The following ATP2B4 variants were observed in gnomAD, a reference collection of about 807,000 sequenced individuals.
ATP2B4 encodes ATPase plasma membrane Ca2+ transporting 4, also known as plasma membrane calcium-transporting ATPase 4.
In ATP2B4, 39 loss-of-function variants were observed where a neutral mutation model predicts 110.3. That is an observed-to-expected ratio of 0.35 (90% CI 0.27 to 0.46). The LOEUF is 0.46. Ranked by LOEUF, ATP2B4 falls within the 20% of genes least tolerant of loss-of-function variation. ATP2B4 has a pLI of 1.00. For missense variants in ATP2B4, 1,135 were observed against 1,530.9 expected (o/e 0.74, Z 4.32); for synonymous variants, 538 against 571.7 (o/e 0.94, Z 0.84).
intron 6 of ATP2B4, among the ~76,000 whole-genome samples, chr1:203,701,672 C>T (rs1558040892): frequency 6.6e-6 from 1 of 152,234 alleles, no homozygotes; most frequent in Non-Finnish European, 1.5e-5. Context: ...TTGCCTGGTG[C>T]TGTTGAAGTA....
In ATP2B4 at chr1:203,741,376, G is replaced by A. The variant is rs1666993555; in HGVS notation, c.*1522G>A. On this transcript the variant is annotated 3_prime_UTR_variant, in exon 21 of 21. Coordinates refer to ENST00000357681, the MANE Select transcript of ATP2B4 (RefSeq NM_001684.5). ...TCCCATCTGCCTCTCAGGAGTTGGG[G>A]ACTTTGCTAGGAGATTTTTTAAGTG... 6.6e-6 allele frequency: 1 copy of A among 152,586 alleles called. No individual in the cohort carries two copies. Among genetic ancestry groups the A allele is most frequent in the Admixed American group, 6.5e-5 (1 of 15,270 alleles). The allele number at this position is 152,586 out of a possible 1,614,324, so 9.5% of individuals were successfully genotyped here.
chr1:203,664,895 G>C (rs8179341), intron 1 of ATP2B4, among the ~76,000 whole-genome samples: 1 of 151,780 alleles, frequency 6.6e-6, no homozygotes, highest in Non-Finnish European at 1.5e-5. Context: ...GCAGTGGCGC[G>C]ATCTTGGCTC....
chr1:203,730,588 C>T (rs12410036), intron 20 of ATP2B4, among the ~76,000 whole-genome samples: 24,446 of 152,216 alleles, frequency 0.16, 2,065 homozygotes, highest in South Asian at 0.26. Context: ...CCAAGATTCC[C>T]TCAGTCCAGT....
At chr1:203,686,019 A>C (rs1318803970) in intron 2 of ATP2B4, among the ~76,000 whole-genome samples, 15 of 150,852 alleles carry the variant, frequency 9.9e-5, no homozygotes, top group Admixed American at 6.6e-5. Flanking sequence ...AAAAAAAAAA[A>C]CCCTGGGTAA....
At chr1:203,664,736 G>T (rs984544804) in intron 1 of ATP2B4, among the ~76,000 whole-genome samples, 1 of 152,270 alleles carries the variant, frequency 6.6e-6, no homozygotes, top group African/African-American at 2.4e-5. Context: ...ATTCACTACT[G>T]GTTTTCTTCC....
In ATP2B4 at chr1:203,739,576, C is replaced by T. The variant is rs1465209212; in HGVS notation, c.3340C>T (p.Leu1114Phe). Reference protein sequence around the residue: ...IKVVKAFHSSLHESIQKPYNQ... With the variant: ...IKVVKAFHSSFHESIQKPYNQ... ...AGTGGTCAAAGCGTTCCATAGTTCC[C>T]TCCACGAAAGCATTCAGAAACCCTA... Residue 1114 changes from leucine to phenylalanine, a missense_variant, in exon 21 of 21, where the codon CTC becomes TTC. Around this residue, in one of 9 missense-constraint regions of ATP2B4, gnomAD observed 61 missense variants for 123.4 expected, o/e 0.49. Transcript: ENST00000357681. The T allele has an allele frequency of 2.0e-5, 32 of 1,614,090 alleles. No homozygotes were observed. The highest frequency in any genetic ancestry group is 5.0e-5 in the Admixed American group (3 of 60,004).
In ATP2B4 at chr1:203,720,578, G is replaced by C. The variant is rs1211378113; in HGVS notation, c.2436G>C (p.Glu812Asp). Residue 812 changes from glutamate (E) to aspartate (D), a missense_variant, in exon 16 of 21, where the codon GAG (glutamate) becomes GAC (aspartate). Around this residue, in one of 9 missense-constraint regions of ATP2B4, gnomAD observed 70 missense variants for 142.4 expected, o/e 0.49. Transcript: ENST00000357681. ...TCGCAGGCACAGATGTAGCAAAGGA[G>C]GCTTCAGACATCATCCTAACAGATG... ...MGIAGTDVAK[E>D]ASDIILTDDN... is the part of the protein sequence containing the mutation. 2 of 1,612,256 alleles carry C rather than the reference G, an allele frequency of 1.2e-6. No homozygotes were observed.
At chr1:203,676,932 T>C (rs1023163741) in intron 1 of ATP2B4, among the ~76,000 whole-genome samples, 1 of 152,196 alleles carries the variant, frequency 6.6e-6, no homozygotes, top group African/African-American at 2.4e-5. Flanking sequence ...CCCTGACCTA[T>C]TTCAGTGCCT....
intron 20 of ATP2B4, chr1:203,728,353 T>A: frequency 2.9e-6 from 1 of 339,042 alleles, no homozygotes. Context: ...GTGAATGCGC[T>A]GATCTAAGCA....
chr1:203,675,904 G>A (rs1376203401), intron 1 of ATP2B4, among the ~76,000 whole-genome samples: 1 of 152,160 alleles, frequency 6.6e-6, no homozygotes, highest in East Asian at 1.9e-4. Flanking sequence ...TAGCAACCTG[G>A]AAGGACTATA....
chr1:203,692,428 C>T (rs1404430235), intron 2 of ATP2B4, among the ~76,000 whole-genome samples: 1 of 152,296 alleles, frequency 6.6e-6, no homozygotes, highest in East Asian at 1.9e-4. Flanking sequence ...ATCCTCCCAC[C>T]TTGGCCTCCC....
chr1:203,680,652 A>T (rs1664987679), intron 1 of ATP2B4, among the ~76,000 whole-genome samples: 1 of 151,238 alleles, frequency 6.6e-6, no homozygotes, highest in South Asian at 2.1e-4. Flanking sequence ...TTCTCCCATC[A>T]CTTAAGTGTC....
rs1663663771 is a variant in ATP2B4, at chr1:203,642,542, A to G, written c.-465+15323A>G. 2.0e-5 allele frequency among the ~76,000 whole-genome samples: 3 copies of G among 152,212 alleles called. No individual in the cohort carries two copies. The East Asian group carries it at 5.8e-4, about 29-fold the overall frequency. On this transcript the variant is annotated intron_variant, in intron 1 of 20. Transcript: ENST00000357681. ...AAAAGAGATTTCCTTAACACTGGAAAATCCATTTACTGGGACTAGGAAACA... is the reference window on the plus strand; with the variant it reads ...AAAAGAGATTTCCTTAACACTGGAAGATCCATTTACTGGGACTAGGAAACA...
intron 20 of ATP2B4, 109 bp downstream of exon 20, chr1:203,727,680 C>G: frequency 7.3e-7 from 1 of 1,363,550 alleles, no homozygotes; most frequent in Non-Finnish European, 1.0e-6. Flanking sequence ...CTTCCAAAGG[C>G]TCACTACTGA....
rs184049876 is a variant in ATP2B4, at chr1:203,640,047, C to T, written c.-465+12828C>T. On this transcript the variant is annotated intron_variant, in intron 1 of 20. Transcript: ENST00000357681. ...GCCCTCTTTAAAGTTTGTATAATAT[C>T]GCCTTTCATTACTTACCCCATAGAG... Among the ~76,000 whole-genome samples, 8 of 152,322 alleles carry T rather than the reference C, an allele frequency of 5.3e-5. No homozygotes were observed. The East Asian group carries it at 9.6e-4, about 18-fold the overall frequency.
At chr1:203,705,223 C>T (rs377374047) in intron 8 of ATP2B4, among the ~76,000 whole-genome samples, 2 of 152,206 alleles carry the variant, frequency 1.3e-5, no homozygotes, top group African/African-American at 2.4e-5. Flanking sequence ...GTTGGCCTAA[C>T]CTCTTCATGT....
chr1:203,727,468 T>C lies in ATP2B4; in HGVS notation c.3206T>C (p.Ile1069Thr). ...EAGHGTTKEEITKDAEGLDEI... is the reference protein window; with the variant it reads ...EAGHGTTKEETTKDAEGLDEI... ...GGGCATGGCACCACCAAAGAGGAGA[T>C]CACCAAGGATGCCGAGGGACTGGAT... Residue 1069 changes from isoleucine to threonine, a missense_variant, in exon 20 of 21, where the codon ATC becomes ACC. Ile to Thr is a moderately conservative substitution (Grantham distance 89). Transcript: ENST00000357681. 1 of 1,614,144 alleles carries C rather than the reference T, an allele frequency of 6.2e-7. No individual in the cohort carries two copies. The highest frequency in any genetic ancestry group is 8.5e-7 in the Non-Finnish European group (1 of 1,180,006).
At chr1:203,698,431 G>A (rs1448461359) in intron 3 of ATP2B4, 77 bp downstream of exon 3, 36 of 1,486,778 alleles carry the variant, frequency 2.4e-5, no homozygotes, top group Non-Finnish European at 3.2e-5. Context: ...TAGTATTGGT[G>A]GCTGACAGGT....
At chr1:203,640,357 G>A (rs955051755) in intron 1 of ATP2B4, among the ~76,000 whole-genome samples, 6 of 152,076 alleles carry the variant, frequency 3.9e-5, no homozygotes, top group South Asian at 2.1e-4. Context: ...CACTCCCATC[G>A]CCCAGGCTGG....
Sources: gnomAD v4.1 joint callset for allele counts (sites outside exome capture counted in the v4.1 genomes callset) on GRCh38, gnomAD v4.1.1 for gene constraint, gnomAD v4.1.1 regional missense constraint, MANE v1.5 for transcripts, NCBI Gene and HGNC (gene_info 2026-07-23, HGNC 2026-07-21) for gene names.